Variants in ERO1B observed in about 807,000 individuals in gnomAD.
ERO1B encodes ERO1-like protein beta.
A neutral mutation model predicts 75.3 loss-of-function variants in ERO1B; 49 were observed. The ratio of observed to expected loss-of-function variants is 0.65; its 90% CI spans 0.52 to 0.83. ERO1B has a LOEUF of 0.83. Among genes scored for constraint, ERO1B ranks in the 40% least tolerant of loss-of-function variants. The probability of loss-of-function intolerance (pLI) is 0.00; values close to 1 mark genes in which losing one functional copy is unlikely to be tolerated. For synonymous variants in ERO1B, 191 were observed against 192.9 expected, an observed-to-expected ratio of 0.99 and a Z score of 0.08; for missense variants, 512 against 560.1, an observed-to-expected ratio of 0.91 and a Z score of 0.87.
At chr1:236,219,629 C>T (rs1251279227) in intron 15 of ERO1B, among the ~76,000 whole-genome samples, 1 of 151,994 alleles carries the variant, frequency 6.6e-6, no homozygotes. Flanking sequence ...TTATGAAATA[C>T]CAGTTAATGG....
chr1:236,264,437 T>G (rs1032070081), intron 2 of ERO1B, among the ~76,000 whole-genome samples: 1 of 152,204 alleles, frequency 6.6e-6, no homozygotes, highest in African/African-American at 2.4e-5. Context: ...ATGGAAATAG[T>G]TATACTTATT....
intron 10 of ERO1B, among the ~76,000 whole-genome samples, chr1:236,229,477 T>C (rs1379047358): frequency 6.6e-6 from 1 of 152,078 alleles, no homozygotes; most frequent in Non-Finnish European, 1.5e-5. Flanking sequence ...TTGACATGCA[T>C]AAAATAGAAT....
chr1:236,245,346 A>G (rs1426499698), intron 5 of ERO1B, among the ~76,000 whole-genome samples: 2 of 21,598 alleles, frequency 9.3e-5, no homozygotes, highest in African/African-American at 1.3e-4. Context: ...ATATACGTAT[A>G]TATATACACA....
chr1:236,217,938 T>C lies in ERO1B; in HGVS notation c.*578A>G, dbSNP rs1664037637. On this transcript the variant is annotated 3_prime_UTR_variant, in exon 16 of 16. Coordinates refer to ENST00000354619, the MANE Select transcript of ERO1B (RefSeq NM_019891.4). Reference sequence around the variant, plus strand: ...CCAATGAAATTGAAGTCCTGGGGAATCTTCAGGAATTTCTGTAACTATGCA... The same window carrying C: ...CCAATGAAATTGAAGTCCTGGGGAACCTTCAGGAATTTCTGTAACTATGCA... The C allele has an allele frequency of 1.3e-5, 2 of 152,284 alleles. No homozygotes were observed. Among genetic ancestry groups the C allele is most frequent in the South Asian group, 4.1e-4 (2 of 4,832 alleles). The allele number at this position is 152,284 out of a possible 1,614,324, so 9.4% of individuals were successfully genotyped here.
chr1:236,252,882 A>G (rs1749585), intron 3 of ERO1B, among the ~76,000 whole-genome samples: 37,653 of 151,966 alleles, frequency 0.25, 4,847 homozygotes, highest in East Asian at 0.38. Flanking sequence ...ACTGTTGAAG[A>G]AGAGGAATAT....
intron 6 of ERO1B, 68 bp from the exon 7 acceptor site, chr1:236,236,466 G>C: frequency 1.3e-6 from 2 of 1,559,200 alleles, no homozygotes. Flanking sequence ...ACAGTACAAA[G>C]CAAACCGGAC....
chr1:236,217,328 C>A lies in ERO1B; in HGVS notation c.*1188G>T, dbSNP rs1427742156. 2 of 150,538 alleles carry A rather than the reference C, an allele frequency of 1.3e-5. No individual in the cohort carries two copies. Among genetic ancestry groups the A allele is most frequent in the Non-Finnish European group, 3.0e-5 (2 of 67,558 alleles). 9.3% of individuals were successfully genotyped at this position (150,538 alleles called of 1,614,324 possible). ...AATATTGTCTAAAGATTTTAAATCCCAGATTTAGAAAATGACAGTTTAGGA... is the reference window on the plus strand; with the variant it reads ...AATATTGTCTAAAGATTTTAAATCCAAGATTTAGAAAATGACAGTTTAGGA... On this transcript the variant is annotated 3_prime_UTR_variant, in exon 16 of 16. Transcript: ENST00000354619.
At chr1:236,222,174 A>G (rs1664164882) in intron 13 of ERO1B, among the ~76,000 whole-genome samples, 164 bp from the exon 14 acceptor site, 1 of 152,248 alleles carries the variant, frequency 6.6e-6, no homozygotes, top group African/African-American at 2.4e-5. Context: ...CAGTGGTGCC[A>G]TCTCGGCTTA....
chr1:236,229,851 T>C (rs147100331), intron 10 of ERO1B, among the ~76,000 whole-genome samples: 2 of 152,346 alleles, frequency 1.3e-5, no homozygotes, highest in East Asian at 1.9e-4. Flanking sequence ...TATCTTCCAT[T>C]AATTTTATAT....
At chr1:236,255,989 C>T (rs538999572) in intron 2 of ERO1B, among the ~76,000 whole-genome samples, 1 of 152,232 alleles carries the variant, frequency 6.6e-6, no homozygotes, top group Non-Finnish European at 1.5e-5. Flanking sequence ...GAGGCTCTGG[C>T]CTCTAACAAG....
chr1:236,269,851 C>A, intron 2 of ERO1B, 24 bp downstream of exon 2: 1 of 1,556,004 alleles, frequency 6.4e-7, no homozygotes, highest in South Asian at 1.1e-5. Flanking sequence ...TTGATATCAA[C>A]AGAATAAAAA....
At chr1:236,233,234 A>C (rs1382515044) in intron 8 of ERO1B, among the ~76,000 whole-genome samples, 1 of 151,152 alleles carries the variant, frequency 6.6e-6, no homozygotes, top group Non-Finnish European at 1.5e-5. Flanking sequence ...ACTTGAACCC[A>C]GGAGGTGGAG....
At chr1:236,275,074 G>A (rs1166990766) in intron 1 of ERO1B, among the ~76,000 whole-genome samples, 5 of 152,192 alleles carry the variant, frequency 3.3e-5, no homozygotes, top group Admixed American at 3.3e-4. Flanking sequence ...TATACAATAG[G>A]CAAGAAGGAG....
intron 1 of ERO1B, among the ~76,000 whole-genome samples, chr1:236,277,939 C>G (rs1227726023): frequency 6.6e-6 from 1 of 152,060 alleles, no homozygotes; most frequent in African/African-American, 2.4e-5. Flanking sequence ...TTTATTTGAA[C>G]ACATTAAACA....
chr1:236,232,800 GAAAC>G (rs751953001), intron 9 of ERO1B, 24 bp downstream of exon 9: 61 of 1,585,016 alleles, frequency 3.8e-5, no homozygotes, highest in Non-Finnish European at 4.1e-5. Context: ...CTCCACACTT[GAAAC>G]AAACAAACAT....
At chr1:236,262,177 T>G (rs904215508) in intron 2 of ERO1B, among the ~76,000 whole-genome samples, 2 of 152,184 alleles carry the variant, frequency 1.3e-5, no homozygotes, top group African/African-American at 4.8e-5. Flanking sequence ...GAAATAAACC[T>G]AAGACTCCCA....
At chr1:236,222,459 C>G (rs896835467) in intron 13 of ERO1B, among the ~76,000 whole-genome samples, 11 of 152,124 alleles carry the variant, frequency 7.2e-5, no homozygotes, top group African/African-American at 2.7e-4. Context: ...TACTTGTATA[C>G]TATAACATGG....
intron 1 of ERO1B, 25 bp from the exon 2 acceptor site, chr1:236,270,019 T>C (rs1460440175): frequency 2.0e-6 from 3 of 1,493,394 alleles, no homozygotes; most frequent in South Asian, 1.2e-5. Flanking sequence ...ATTTAAAATA[T>C]GTAAACTACT....
Position 236,269,945 on chromosome 1 carries a change from T to C in ERO1B, c.152A>G (p.Asn51Ser), listed in dbSNP as rs201875376. Residue 51 changes from asparagine to serine, a missense_variant, in exon 2 of 16, where the codon AAC (asparagine) becomes AGC (serine). Transcript: ENST00000354619. ...GGGGAAGATTTTGTAGGTATTGAAG[T>C]TATCGATGCTGTCAATATCACACAA... ...DCLCDIDSID[N>S]FNTYKIFPKI... The C allele has an allele frequency of 1.9e-5, 31 of 1,603,706 alleles. No individual in the cohort carries two copies. In the Admixed American group the frequency reaches 3.8e-4, roughly 20 times the overall value.
Sources: gnomAD v4.1 joint callset for allele counts (sites outside exome capture counted in the v4.1 genomes callset) on GRCh38, gnomAD v4.1.1 for gene constraint, MANE v1.5 for transcripts, NCBI Gene and HGNC (gene_info 2026-07-23, HGNC 2026-07-21) for gene names.